The following ZBBX variants were observed in gnomAD, a reference collection of about 807,000 sequenced individuals.
ZBBX encodes zinc finger B-box domain containing.
ZBBX carries 101 observed loss-of-function variants against 108.5 expected under a neutral mutation model. The observed-to-expected ratio is 0.93, with a 90% CI of 0.79 to 1.10. The LOEUF (loss-of-function observed/expected upper bound fraction) is 1.10. ZBBX is among the 50% of genes least tolerant of loss of function. The probability of loss-of-function intolerance (pLI) is 0.00; values close to 1 mark genes in which losing one functional copy is unlikely to be tolerated. For synonymous variants in ZBBX, 356 were observed against 323.4 expected, an observed-to-expected ratio of 1.10 and a Z score of -1.08; for missense variants, 1,009 against 941.4, an observed-to-expected ratio of 1.07 and a Z score of -0.94.
At chr3:167,361,160 AT>A (rs1744443555) in intron 6 of ZBBX, among the ~76,000 whole-genome samples, 1 of 152,088 alleles carries the variant, frequency 6.6e-6, no homozygotes, top group East Asian at 1.9e-4. Flanking sequence ...AGAAACCCAT[AT>A]TATTTTATTT....
chr3:167,202,611 G>A, the ZBBX span, among the ~76,000 whole-genome samples: 1 of 152,016 alleles, frequency 6.6e-6, no homozygotes, highest in African/African-American at 2.4e-5. Flanking sequence ...CTTTAAAAAG[G>A]AAAACTTGAA....
chr3:167,215,050 C>A, the ZBBX span, among the ~76,000 whole-genome samples: 1 of 152,030 alleles, frequency 6.6e-6, no homozygotes, highest in African/African-American at 2.4e-5. Flanking sequence ...CTCAATTTAA[C>A]AACCTAACTT....
At chr3:167,352,705 T>A (rs752439261) in intron 8 of ZBBX, among the ~76,000 whole-genome samples, 1 of 145,792 alleles carries the variant, frequency 6.9e-6, no homozygotes. Flanking sequence ...TTAATAAACA[T>A]AGATACAAAA....
chr3:167,328,489 G>GA (rs1553819200), intron 10 of ZBBX, among the ~76,000 whole-genome samples: 1 of 150,848 alleles, frequency 6.6e-6, no homozygotes, highest in Non-Finnish European at 1.5e-5. Context: ...AAAAAACAGG[G>GA]TTTTTTTTTA....
At chr3:167,387,324 A>G (rs762205474) in intron 1 of ZBBX, among the ~76,000 whole-genome samples, 3 of 152,096 alleles carry the variant, frequency 2.0e-5, no homozygotes, top group Admixed American at 6.6e-5. Flanking sequence ...ATTCAGAATA[A>G]TAACTGCTAA....
At chr3:167,254,136 C>G (rs1361964139) in intron 20 of ZBBX, among the ~76,000 whole-genome samples, 1 of 152,104 alleles carries the variant, frequency 6.6e-6, no homozygotes, top group Non-Finnish European at 1.5e-5. Context: ...TGATTTTGAT[C>G]ATTGTGCTAT....
intron 5 of ZBBX, among the ~76,000 whole-genome samples, chr3:167,367,383 T>C (rs1745477883): frequency 6.6e-6 from 1 of 151,872 alleles, no homozygotes; most frequent in African/African-American, 2.4e-5. Flanking sequence ...GCAGCATTTA[T>C]AATCATAAGA....
intron 4 of ZBBX, among the ~76,000 whole-genome samples, chr3:167,372,144 G>A (rs549402653): frequency 1.3e-5 from 2 of 152,280 alleles, no homozygotes; most frequent in African/African-American, 2.4e-5. Flanking sequence ...CCGGGAGGTG[G>A]AGGTTGCAGT....
At chr3:167,217,915 G>T in the ZBBX span, among the ~76,000 whole-genome samples, 3 of 140,046 alleles carry the variant, frequency 2.1e-5, no homozygotes, top group African/African-American at 8.1e-5. Flanking sequence ...TTTTGAGATA[G>T]AGTCTCGCTC....
intron 2 of ZBBX, among the ~76,000 whole-genome samples, chr3:167,376,622 C>T (rs188869370): frequency 1.1e-3 from 171 of 152,180 alleles, no homozygotes; most frequent in Non-Finnish European, 1.7e-3. Flanking sequence ...AAAAAATGAA[C>T]GAACTTCTGT....
At chr3:167,302,353 T>TA (rs1732849678) in intron 17 of ZBBX, among the ~76,000 whole-genome samples, 1 of 152,216 alleles carries the variant, frequency 6.6e-6, no homozygotes, top group Non-Finnish European at 1.5e-5. Flanking sequence ...GATAGGTACA[T>TA]ACAAATTCAG....
intron 12 of ZBBX, 45 bp from the exon 13 acceptor site, chr3:167,317,642 C>G (rs1313954851): frequency 1.5e-6 from 2 of 1,298,342 alleles, no homozygotes; most frequent in Non-Finnish European, 2.2e-6. Context: ...AATATATTAC[C>G]TGAAACTTTC....
chr3:167,388,054 C>A (rs1475822945), intron 1 of ZBBX, among the ~76,000 whole-genome samples: 1 of 151,902 alleles, frequency 6.6e-6, no homozygotes, highest in Admixed American at 6.6e-5. Context: ...AAAATATACA[C>A]CGGTTTTAGT....
intron 8 of ZBBX, among the ~76,000 whole-genome samples, chr3:167,358,072 A>G (rs1023642037): frequency 3.9e-5 from 6 of 151,984 alleles, no homozygotes; most frequent in African/African-American, 1.4e-4. Context: ...ATGCTAAATG[A>G]CGAGTTAATG....
chr3:167,201,388 CCTT>C, the ZBBX span, among the ~76,000 whole-genome samples: 3 of 151,974 alleles, frequency 2.0e-5, no homozygotes, highest in African/African-American at 7.2e-5. Context: ...GACCCTCTAT[CCTT>C]CTTTCCACAT....
rs768520302 is a variant in ZBBX, at chr3:167,360,977, CT to C, written c.274-255del. On this transcript the variant is annotated intron_variant, in intron 6 of 21. Transcript: ENST00000675490. The stretch of plus-strand genomic sequence containing the variant: ...ACCAGTTTTTGAAAACATAATTTGG[CT>C]TTTAAACAAAAACCATTATATCTCA... 2.0e-4 allele frequency among the ~76,000 whole-genome samples: 30 copies of C among 151,934 alleles called. 1 individual carries two copies. The highest frequency in any genetic ancestry group is 3.9e-4 in the East Asian group (2 of 5,186).
intron 11 of ZBBX, among the ~76,000 whole-genome samples, chr3:167,327,039 C>A (rs1389476191): frequency 6.6e-6 from 1 of 151,356 alleles, no homozygotes; most frequent in Non-Finnish European, 1.5e-5. Flanking sequence ...AAATTGAATA[C>A]TTTTAAAACT....
intron 6 of ZBBX, among the ~76,000 whole-genome samples, chr3:167,361,797 C>T (rs1236757017): frequency 6.6e-6 from 1 of 152,092 alleles, no homozygotes; most frequent in Non-Finnish European, 1.5e-5. Context: ...CCAAATTATC[C>T]AGTATGACTA....
chr3:167,347,331 C>A (rs531997602), intron 9 of ZBBX, among the ~76,000 whole-genome samples: 1 of 151,994 alleles, frequency 6.6e-6, no homozygotes, highest in South Asian at 2.1e-4. Context: ...TTAACATATC[C>A]ATCACCTCAC....
Sources: gnomAD v4.1 joint callset for allele counts (sites outside exome capture counted in the v4.1 genomes callset) on GRCh38, gnomAD v4.1.1 for gene constraint, MANE v1.5 for transcripts, NCBI Gene and HGNC (gene_info 2026-07-23, HGNC 2026-07-21) for gene names.